BAZ1A: variants seen among roughly 807,000 people sequenced by gnomAD.
BAZ1A encodes bromodomain adjacent to zinc finger domain 1A.
A neutral mutation model predicts 185.2 loss-of-function variants in BAZ1A; 50 were observed. The observed-to-expected ratio is 0.27, with a 90% confidence interval of 0.22 to 0.34. The LOEUF is 0.34. Among genes scored for constraint, BAZ1A ranks in the 10% least tolerant of loss-of-function variants. The pLI is 1.00. For synonymous variants in BAZ1A, 571 were observed against 615.6 expected (o/e 0.93, Z 1.07); for missense variants, 1,356 against 1,839.9 (o/e 0.74, Z 4.81).
chr14:34,835,627 CATTA>C (rs1284958655), intron 3 of BAZ1A, among the ~76,000 whole-genome samples: 1 of 151,024 alleles, frequency 6.6e-6, no homozygotes, highest in East Asian at 1.9e-4. Flanking sequence ...AAGGGCACAA[CATTA>C]ATTAGTCATA....
rs1879943526 is a variant in BAZ1A at position 34,780,188 on chromosome 14, C to T, written c.2234G>A (p.Arg745Lys). The change falls in exon 17 of 27, where the codon AGG (arginine) becomes AAG (lysine). Residue 745 changes from arginine (R) to lysine (K), a missense_variant and splice_region_variant. Physicochemically the swap from Arg to Lys is conservative, Grantham distance 26 (BLOSUM62 2). Around this residue, in one of 7 missense-constraint regions of BAZ1A, gnomAD observed 434 missense variants for 561.7 expected, o/e 0.77. Transcript: ENST00000360310. Reference protein sequence around the residue: ...DDPGSHKRGRRGKRGQNGFKE... With the variant: ...DDPGSHKRGRKGKRGQNGFKE... The stretch of plus-strand genomic sequence containing the variant: ...CCCTAAAGAAATTTCAGTATTACCC[C>T]TTCTGCCTCTTTTATGTGATCCTGG... 1.2e-6 allele frequency: 2 copies of T among 1,612,734 alleles called. No individual in the cohort carries two copies. Among genetic ancestry groups the T allele is most frequent in the South Asian group, 1.1e-5 (1 of 90,778 alleles).
At chr14:34,850,479 G>A (rs1255675124) in intron 3 of BAZ1A, among the ~76,000 whole-genome samples, 1 of 152,190 alleles carries the variant, frequency 6.6e-6, no homozygotes, top group East Asian at 1.9e-4. Flanking sequence ...AGGTCAATAG[G>A]CTCTTGAATA....
intron 7 of BAZ1A, 141 bp from the exon 8 acceptor site, chr14:34,801,334 C>T (rs530894594): frequency 2.7e-5 from 17 of 623,578 alleles, no homozygotes; most frequent in African/African-American, 2.5e-4. Flanking sequence ...CTCTATCCCC[C>T]AGGCTGGAGT....
chr14:34,761,868 T>C lies in BAZ1A; in HGVS notation c.4132A>G (p.Arg1378Gly). 6.2e-7 allele frequency: 1 copy of C among 1,614,244 alleles called. No individual in the cohort carries two copies. Among genetic ancestry groups the C allele is most frequent in the African/African-American group, 1.3e-5 (1 of 75,072 alleles). The change falls in exon 24 of 27, where the codon AGA (arginine) becomes GGA (glycine). Residue 1378 changes from arginine to glycine, a missense_variant. By Grantham distance (125) the Arg-to-Gly change is moderately radical. Coordinates refer to ENST00000360310, the MANE Select transcript of BAZ1A (RefSeq NM_013448.3). ...PENSPNFPNFRVIATKSSEQS... is the reference protein window; with the variant it reads ...PENSPNFPNFGVIATKSSEQS... ...TCACTTGACTTTGTGGCAATGACTC[T>C]GAAGTTAGGGAAGTTGGGACTATTT... is the stretch of plus-strand genomic sequence containing the variant.
intron 3 of BAZ1A, among the ~76,000 whole-genome samples, chr14:34,856,431 AT>A (rs1213329292): frequency 1.3e-5 from 2 of 152,024 alleles, no homozygotes; most frequent in African/African-American, 4.8e-5. Flanking sequence ...CTACAGGCAC[AT>A]GCCATCATGC....
At chr14:34,771,428 G>A in intron 21 of BAZ1A, 83 bp downstream of exon 21, 1 of 1,269,828 alleles carries the variant, frequency 7.9e-7, no homozygotes, top group South Asian at 1.6e-5. Flanking sequence ...CATTATGTCA[G>A]CCAATAAAGT....
At chr14:34,871,833 T>C (rs2042953239) in intron 2 of BAZ1A, among the ~76,000 whole-genome samples, 2 of 152,194 alleles carry the variant, frequency 1.3e-5, no homozygotes, top group Admixed American at 1.3e-4. Flanking sequence ...ATGGCACCAC[T>C]GCACTCCAGC....
intron 6 of BAZ1A, among the ~76,000 whole-genome samples, chr14:34,804,360 A>G (rs557811793): frequency 4.6e-5 from 7 of 152,306 alleles, no homozygotes; most frequent in African/African-American, 1.7e-4. Context: ...TTTTTGACCT[A>G]ATGGCCAAGA....
In BAZ1A at chr14:34,835,733, G is replaced by A. The variant is rs1302997133; in HGVS notation, c.393-9577C>T. Among the ~76,000 whole-genome samples the A allele has an allele frequency of 6.7e-5, 10 of 150,062 alleles. No homozygotes were observed. The East Asian group carries it at 1.8e-3, about 27-fold the overall frequency. ...TGTTGCCAGGCTGGAGTGCAATGGC[G>A]TGATCTCGGCTCACTGCAACCTCTG... On this transcript the variant is annotated intron_variant, in intron 3 of 26. Transcript: ENST00000360310.
rs1034114949 is a variant in BAZ1A, at chr14:34,794,837, A to G, written c.1275T>C (p.Phe425=). The change falls in exon 11 of 27, where the codon TTT becomes TTC. Residue 425 remains phenylalanine, a synonymous_variant. Coordinates refer to ENST00000360310, the MANE Select transcript of BAZ1A (RefSeq NM_013448.3). ...PVKTRLPPEI[F]GDALMVLEFL... ...ACTCCAAAACCATCAGAGCATCACC[A>G]AAGATTTCAGGAGGTAGTCTAGTTT... 1.9e-6 allele frequency: 3 copies of G among 1,614,032 alleles called. No homozygotes were observed. Among genetic ancestry groups the G allele is most frequent in the Non-Finnish European group, 2.5e-6 (3 of 1,179,998 alleles).
chr14:34,814,783 T>G (rs1468771211), intron 4 of BAZ1A, among the ~76,000 whole-genome samples: 1 of 149,460 alleles, frequency 6.7e-6, no homozygotes. Context: ...GACCTTATCT[T>G]TTTTTTTTTG....
chr14:34,774,874 T>C (rs1270100724), intron 18 of BAZ1A, among the ~76,000 whole-genome samples: 2 of 152,134 alleles, frequency 1.3e-5, no homozygotes, highest in Admixed American at 1.3e-4. Flanking sequence ...AGGATCTGAA[T>C]AGATATTTAA....
At chr14:34,768,347 G>T (rs189664130) in intron 21 of BAZ1A, among the ~76,000 whole-genome samples, 30 of 151,604 alleles carry the variant, frequency 2.0e-4, no homozygotes, top group African/African-American at 6.8e-4. Context: ...GCTAGTAAAA[G>T]AAAAAAAATG....
At chr14:34,827,069 C>T (rs2042174644) in intron 3 of BAZ1A, among the ~76,000 whole-genome samples, 1 of 149,702 alleles carries the variant, frequency 6.7e-6, no homozygotes, top group Non-Finnish European at 1.5e-5. Context: ...CATACTCTCT[C>T]CCCATCCCTT....
chr14:34,792,743 T>C (rs369131205), intron 12 of BAZ1A, 32 bp downstream of exon 12: 5 of 1,604,150 alleles, frequency 3.1e-6, no homozygotes, highest in African/African-American at 1.3e-5. Flanking sequence ...AAAACTACTA[T>C]GGTTCAATCA....
chr14:34,855,718 C>A (rs1182875485), intron 3 of BAZ1A, among the ~76,000 whole-genome samples: 1 of 152,078 alleles, frequency 6.6e-6, no homozygotes, highest in African/African-American at 2.4e-5. Context: ...CATGGCGAAA[C>A]CCTGTCTCTA....
Position 34,874,507 on chromosome 14 carries a change from A to T in BAZ1A, c.98T>A (p.Ile33Asn), listed in dbSNP as rs758789130. Residue 33 changes from isoleucine to asparagine, a missense_variant, in exon 2 of 27, where the codon ATC (isoleucine) becomes AAC (asparagine). This residue lies in a region of BAZ1A where 332 missense variants were observed against 395.3 expected (regional missense o/e 0.84). Transcript: ENST00000360310. This position sits in a 1 kb window ranked among gnomAD's most constrained non-coding sequence, Gnocchi z 4.7. ...CGGCTCTTACTCGTAGTGGCGGAAG[A>T]TCTCGTTGGTGACTTTACAGTAGAA... ...EVFYCKVTNEIFRHYDDFFER... is the reference protein window; with the variant it reads ...EVFYCKVTNENFRHYDDFFER... 1 of 1,612,100 alleles carries T rather than the reference A, an allele frequency of 6.2e-7. No individual in the cohort carries two copies.
chr14:34,759,183 T>TGTTTTTTTTTTTTTG lies in BAZ1A; in HGVS notation c.4244-338_4244-337insCAAAAAAAAAAAAAC, dbSNP rs1397017919. The stretch of plus-strand genomic sequence containing the variant: ...CTTTACAGCTACAGTTTTTTTTTTT[T>TGTTTTTTTTTTTTTG]TTTTTTTTTTTTTTTGAGATGGAGT... On this transcript the variant is annotated intron_variant, in intron 24 of 26. Transcript: ENST00000360310. Among the ~76,000 whole-genome samples the TGTTTTTTTTTTTTTG allele has an allele frequency of 3.4e-3, 408 of 120,948 alleles. 5 individuals carry two copies. The highest frequency in any genetic ancestry group is 4.5e-3 in the Non-Finnish European group (273 of 60,668). The allele number at this position is 120,948 out of a possible 152,430, so 79.3% of individuals were successfully genotyped here.
intron 2 of BAZ1A, among the ~76,000 whole-genome samples, chr14:34,870,518 G>A (rs1383119128): frequency 1.3e-5 from 2 of 152,172 alleles, no homozygotes; most frequent in Non-Finnish European, 2.9e-5. Flanking sequence ...ATGATGTTCT[G>A]ATATGTCCAT....
Sources: allele counts gnomAD v4.1 joint callset (sites outside exome capture counted in the v4.1 genomes callset), GRCh38; gene constraint gnomAD v4.1.1; regional missense constraint gnomAD v4.1.1; non-coding constraint Gnocchi (gnomAD v3.1); transcripts MANE v1.5; gene names NCBI Gene and HGNC (gene_info 2026-07-23, HGNC 2026-07-21).